Variants in XKRX observed in about 807,000 individuals in gnomAD.
The protein encoded by XKRX is XK related X-linked.
Under a neutral mutation model 22.4 loss-of-function variants are expected in XKRX, and 11 were observed. The ratio of observed to expected loss-of-function variants is 0.49; its 90% CI spans 0.31 to 0.81. XKRX has a LOEUF of 0.81. Among genes scored for constraint, XKRX ranks in the 40% least tolerant of loss-of-function variants. XKRX has a pLI of 0.05. For missense variants in XKRX, 320 were observed against 336.5 expected (o/e 0.95, Z 0.38); for synonymous variants, 114 against 132.2 (o/e 0.86, Z 0.94).
upstream of XKRX, among the ~76,000 whole-genome samples, chrX:100,932,494 C>T (rs1415160507): frequency 8.9e-6 from 1 of 112,085 alleles, no homozygotes; most frequent in Non-Finnish European, 1.9e-5. Context: ...CAAGATCTGA[C>T]TCCTTACCAC....
chrX:100,930,287 T>TTAATAATAATAA (rs59300334), upstream of XKRX, among the ~76,000 whole-genome samples: 5 of 85,610 alleles, frequency 5.8e-5, no homozygotes, highest in East Asian at 6.9e-4. Flanking sequence ...AGATTACGTC[T>TTAATAATAATAA]TAATAATAAT....
chrX:100,937,219 G>C, the XKRX span, among the ~76,000 whole-genome samples: 1 of 110,707 alleles, frequency 9.0e-6, no homozygotes, highest in Non-Finnish European at 1.9e-5. Flanking sequence ...TCGAACTCCT[G>C]AACTCAAATG....
chrX:100,909,884 C>CAA (rs2085400841), downstream of XKRX, among the ~76,000 whole-genome samples: 2 of 77,667 alleles, frequency 2.6e-5, no homozygotes, highest in Non-Finnish European at 4.6e-5. Context: ...GCCTGGGTGA[C>CAA]AGAGCGAGAC....
the XKRX span, among the ~76,000 whole-genome samples, chrX:100,893,613 C>T: frequency 8.9e-6 from 1 of 112,243 alleles, no homozygotes; most frequent in Non-Finnish European, 1.9e-5. Context: ...GGCGATACAC[C>T]ATGGAATACT....
chrX:100,928,423 A>T lies in XKRX; in HGVS notation c.-119T>A, dbSNP rs994632387. 3.5e-6 allele frequency: 4 copies of T among 1,135,243 alleles called. No individual in the cohort carries two copies. In the African/African-American group the frequency reaches 7.4e-5, roughly 21 times the overall value. 93.6% of individuals were successfully genotyped at this position (1,135,243 alleles called of 1,213,427 possible). On this transcript the variant is annotated 5_prime_UTR_variant, in exon 1 of 3. Coordinates refer to ENST00000372956, the MANE Select transcript of XKRX (RefSeq NM_212559.3). ...AGGTGAGGAGAGCTCTGTCAAGTCC[A>T]GTTTGGGAACAGAGATTCACTAGTT...
At chrX:100,898,035 A>G in the XKRX span, among the ~76,000 whole-genome samples, 1 of 111,882 alleles carries the variant, frequency 8.9e-6, no homozygotes, top group Admixed American at 9.6e-5. Context: ...GTCACTAAAA[A>G]TGGTGGAGTA....
chrX:100,921,824 C>CTTTTT (rs769704465), intron 2 of XKRX, among the ~76,000 whole-genome samples: 2 of 56,341 alleles, frequency 3.5e-5, no homozygotes, highest in East Asian at 4.5e-4. Flanking sequence ...TAACCCCACG[C>CTTTTT]TTTTTTTTTT....
chrX:100,942,891 A>G, the XKRX span, among the ~76,000 whole-genome samples: 1 of 111,225 alleles, frequency 9.0e-6, no homozygotes, highest in Non-Finnish European at 1.9e-5. Context: ...GGAAAAAAAA[A>G]GTTTATAGCA....
At chrX:100,938,553 C>T in the XKRX span, among the ~76,000 whole-genome samples, 2 of 111,145 alleles carry the variant, frequency 1.8e-5, no homozygotes, top group South Asian at 3.9e-4. Flanking sequence ...CGCTTGAACC[C>T]GGGAGGCAGA....
At chrX:100,919,128 C>G (rs2085459475) in intron 2 of XKRX, among the ~76,000 whole-genome samples, 1 of 111,842 alleles carries the variant, frequency 8.9e-6, no homozygotes, top group Non-Finnish European at 1.9e-5. Flanking sequence ...TAAATTCTCC[C>G]AAAATAACCT....
rs144857253 is a variant in XKRX, at chrX:100,915,213, A to T, written c.605-130T>A. The T allele has an allele frequency of 7.8e-4, 542 of 697,970 alleles. 6 individuals are homozygous for T. In the African/African-American group the frequency reaches 0.01, roughly 13 times the overall value. 57.5% of individuals were successfully genotyped at this position (697,970 alleles called of 1,213,427 possible). On this transcript the variant is annotated intron_variant, in intron 2 of 2. Transcript: ENST00000372956. ...AGAGCTCCAGTTAAGAGCAAATGCA[A>T]ATATGATCACAGCTATGTAAACAAA...
chrX:100,904,825 G>A, the XKRX span, among the ~76,000 whole-genome samples: 1 of 112,185 alleles, frequency 8.9e-6, no homozygotes, highest in South Asian at 3.7e-4. Flanking sequence ...AACCAGAGAA[G>A]CAGAGCCAAA....
chrX:100,892,902 A>G, the XKRX span, among the ~76,000 whole-genome samples: 3 of 112,629 alleles, frequency 2.7e-5, no homozygotes, highest in Non-Finnish European at 5.6e-5. Flanking sequence ...CATTCTTCAC[A>G]TTAACCAAGA....
At chrX:100,901,926 G>C in the XKRX span, among the ~76,000 whole-genome samples, 1 of 110,228 alleles carries the variant, frequency 9.1e-6, no homozygotes, top group African/African-American at 3.3e-5. Context: ...TTGAACCCAG[G>C]AGGTGGAGGT....
At chrX:100,898,824 CTTTT>C in the XKRX span, among the ~76,000 whole-genome samples, 1 of 90,588 alleles carries the variant, frequency 1.1e-5, no homozygotes, top group Non-Finnish European at 2.2e-5. Context: ...TTCTTTTTCT[CTTTT>C]CTTTCTTTCT....
At chrX:100,910,917 AG>A (rs1263140762), downstream of XKRX, 1 of 585,104 alleles carries the variant, frequency 1.7e-6, no homozygotes, top group African/African-American at 2.2e-5. Context: ...ATGCATGAAA[AG>A]AGAAACACCA....
the XKRX span, among the ~76,000 whole-genome samples, chrX:100,935,415 C>T: frequency 9.0e-6 from 1 of 111,576 alleles, no homozygotes; most frequent in Non-Finnish European, 1.9e-5. Context: ...GAAAATGTGC[C>T]TTTCAGTTCT....
chrX:100,958,438 A>G, the XKRX span, among the ~76,000 whole-genome samples: 206 of 112,198 alleles, frequency 1.8e-3, no homozygotes, highest in Non-Finnish European at 3.4e-3. Context: ...CTCATTTGGC[A>G]TGGACCCATA....
At chrX:100,887,539 C>A in the XKRX span, 1 of 479,838 alleles carries the variant, frequency 2.1e-6, no homozygotes. Context: ...TAGGCCCTGT[C>A]ACCACTGTGC....
Sources: gnomAD v4.1 joint callset for allele counts (sites outside exome capture counted in the v4.1 genomes callset) on GRCh38, gnomAD v4.1.1 for gene constraint, MANE v1.5 for transcripts, NCBI Gene and HGNC (gene_info 2026-07-23, HGNC 2026-07-21) for gene names.